Variants in STXBP6 observed in about 807,000 individuals in gnomAD.
The protein encoded by STXBP6 is syntaxin-binding protein 6.
In STXBP6, 21 loss-of-function variants were observed where a neutral mutation model predicts 26.9. The observed-to-expected ratio is 0.78, with a 90% confidence interval of 0.55 to 1.12. The LOEUF (loss-of-function observed/expected upper bound fraction) is 1.12, where lower values mean the gene tolerates loss of function less well. Among genes scored for constraint, STXBP6 ranks in the 50% most tolerant of loss-of-function variants. The pLI, the probability that STXBP6 is intolerant of heterozygous loss-of-function variation, is 0.00. For missense variants in STXBP6, 232 were observed against 257.9 expected (o/e 0.90, Z 0.69); for synonymous variants, 97 against 92.6 (o/e 1.05, Z -0.27).
chr14:25,004,168 T>A (rs1222158785), intron 1 of STXBP6, among the ~76,000 whole-genome samples: 1 of 152,134 alleles, frequency 6.6e-6, no homozygotes, highest in Non-Finnish European at 1.5e-5. Flanking sequence ...AATTCTAACT[T>A]GAAATACAGT....
chr14:24,988,006 C>A, intron 1 of STXBP6: 1 of 392,440 alleles, frequency 2.5e-6, no homozygotes, highest in Non-Finnish European at 3.5e-6. Context: ...ACAAGTTAGC[C>A]AATCAATGCA....
At chr14:24,829,377 C>T (rs1171316486) in intron 4 of STXBP6, among the ~76,000 whole-genome samples, 1 of 152,050 alleles carries the variant, frequency 6.6e-6, no homozygotes, top group African/African-American at 2.4e-5. Flanking sequence ...GTTTCATAAA[C>T]AATGTTTATA....
At chr14:24,999,893 A>T (rs2074710409) in intron 1 of STXBP6, among the ~76,000 whole-genome samples, 1 of 152,182 alleles carries the variant, frequency 6.6e-6, no homozygotes, top group Non-Finnish European at 1.5e-5. Context: ...GAATAGTGTT[A>T]TGTGCCCGTG....
intron 2 of STXBP6, among the ~76,000 whole-genome samples, chr14:24,887,292 T>C (rs989304068): frequency 2.0e-5 from 3 of 152,208 alleles, no homozygotes; most frequent in Non-Finnish European, 4.4e-5. Context: ...TGTTAATTTA[T>C]CATCACTAGC....
chr14:24,874,539 A>G (rs1340087036), intron 2 of STXBP6, among the ~76,000 whole-genome samples: 1 of 152,112 alleles, frequency 6.6e-6, no homozygotes, highest in Non-Finnish European at 1.5e-5. Flanking sequence ...CCAGAATCCA[A>G]ATCGCTCCCA....
At chr14:24,816,772 A>G (rs2067991208) in intron 5 of STXBP6, 1 of 151,994 alleles carries the variant, frequency 6.6e-6, no homozygotes, top group Non-Finnish European at 1.5e-5. Flanking sequence ...GGGCCCTCCC[A>G]CACCCCTTTC....
intron 4 of STXBP6, among the ~76,000 whole-genome samples, chr14:24,831,921 G>A (rs2068466285): frequency 6.6e-6 from 1 of 152,134 alleles, no homozygotes; most frequent in Non-Finnish European, 1.5e-5. Flanking sequence ...TTTGCTCAAG[G>A]TCACACCCGA....
intron 2 of STXBP6, among the ~76,000 whole-genome samples, chr14:24,940,414 T>C (rs1453929204): frequency 6.6e-6 from 1 of 152,238 alleles, no homozygotes; most frequent in African/African-American, 2.4e-5. Flanking sequence ...AGTGGTTCCA[T>C]GGGTGAGAAA....
intron 1 of STXBP6, among the ~76,000 whole-genome samples, chr14:24,993,087 T>C (rs1335720131): frequency 1.3e-5 from 2 of 152,198 alleles, no homozygotes; most frequent in Non-Finnish European, 2.9e-5. Context: ...TTGCACTCTG[T>C]AGTCTCCTTT....
intron 2 of STXBP6, among the ~76,000 whole-genome samples, chr14:24,896,205 C>T (rs1009339075): frequency 5.9e-5 from 9 of 152,086 alleles, no homozygotes; most frequent in Non-Finnish European, 1.2e-4. Context: ...TGTTCACCTG[C>T]CAGCCTGTTG....
chr14:24,857,477 G>A (rs2069380262), intron 2 of STXBP6, among the ~76,000 whole-genome samples: 1 of 152,008 alleles, frequency 6.6e-6, no homozygotes, highest in African/African-American at 2.4e-5. Context: ...GAGGCTATAA[G>A]TGCACAATTA....
chr14:24,852,013 T>A (rs2069174812), intron 4 of STXBP6, among the ~76,000 whole-genome samples: 1 of 152,160 alleles, frequency 6.6e-6, no homozygotes, highest in African/African-American at 2.4e-5. Context: ...TTTGCAATTC[T>A]ACTTCTTAGA....
chr14:24,968,170 A>AATATATATATATATATAT (rs72223372), intron 2 of STXBP6, among the ~76,000 whole-genome samples: 11 of 144,350 alleles, frequency 7.6e-5, no homozygotes, highest in African/African-American at 2.8e-4. Flanking sequence ...TATAATAAAG[A>AATATATATATATATATAT]ATATATATAT....
At chr14:24,828,398 G>A (rs2068352151) in intron 4 of STXBP6, among the ~76,000 whole-genome samples, 1 of 151,964 alleles carries the variant, frequency 6.6e-6, no homozygotes, top group Non-Finnish European at 1.5e-5. Context: ...AAACAAGAGA[G>A]TTAACATAAA....
chr14:24,958,973 A>T (rs1401652891), intron 2 of STXBP6, among the ~76,000 whole-genome samples: 1 of 152,200 alleles, frequency 6.6e-6, no homozygotes, highest in African/African-American at 2.4e-5. Context: ...ACAATGATCT[A>T]AACAGGAGGT....
chr14:24,872,995 A>C (rs548442770), intron 2 of STXBP6, among the ~76,000 whole-genome samples: 15 of 152,334 alleles, frequency 9.8e-5, no homozygotes, highest in African/African-American at 3.4e-4. Flanking sequence ...GGTTCGTCCT[A>C]AACTGCCAGG....
intron 5 of STXBP6, among the ~76,000 whole-genome samples, chr14:24,815,506 T>C (rs1382924065): frequency 3.3e-5 from 5 of 149,774 alleles, no homozygotes; most frequent in African/African-American, 1.2e-4. Flanking sequence ...TAATATTATA[T>C]ATTATAAGAC....
In STXBP6 at chr14:24,895,720, T is replaced by C. The variant is rs988053776; in HGVS notation, c.155-38563A>G. Among the ~76,000 whole-genome samples, 7 of 152,234 alleles carry C rather than the reference T, an allele frequency of 4.6e-5. 2 individuals carry two copies. Among genetic ancestry groups the C allele is most frequent in the Admixed American group, 3.9e-4 (6 of 15,288 alleles). On this transcript the variant is annotated intron_variant, in intron 2 of 5. Transcript: ENST00000323944. ...AACACTAAATGTTAAAAGTGGTAGC[T>C]GGAGCAATATCAGAGCATAGGCTCT... is the stretch of plus-strand genomic sequence containing the variant.
chr14:24,958,089 G>A (rs2073401958), intron 2 of STXBP6, among the ~76,000 whole-genome samples: 1 of 152,104 alleles, frequency 6.6e-6, no homozygotes, highest in South Asian at 2.1e-4. Flanking sequence ...GAAAAATGAT[G>A]CTCTACAAAG....
Sources: allele counts gnomAD v4.1 joint callset (sites outside exome capture counted in the v4.1 genomes callset), GRCh38; gene constraint gnomAD v4.1.1; transcripts MANE v1.5; gene names NCBI Gene and HGNC (gene_info 2026-07-23, HGNC 2026-07-21).